JAKMIP3: variants seen among roughly 807,000 people sequenced by gnomAD.
JAKMIP3 encodes the protein Janus kinase and microtubule interacting protein 3, also known as janus kinase and microtubule-interacting protein 3.
JAKMIP3 carries 58 observed loss-of-function variants against 118.5 expected under a neutral mutation model. The observed-to-expected ratio is 0.49, with a 90% CI of 0.40 to 0.61. JAKMIP3 has a LOEUF of 0.61. Among genes scored for constraint, JAKMIP3 ranks in the 20% least tolerant of loss-of-function variants. The pLI is 0.00. For missense variants in JAKMIP3, 950 were observed against 1,109.0 expected (o/e 0.86, Z 2.04); for synonymous variants, 486 against 451.2 (o/e 1.08, Z -0.98).
intron 9 of JAKMIP3, among the ~76,000 whole-genome samples, chr10:132,139,207 TG>T (rs2052651756): frequency 6.8e-6 from 1 of 148,110 alleles, no homozygotes; most frequent in Non-Finnish European, 1.5e-5. Flanking sequence ...TGAGTGTGTG[TG>T]TGTATGTGTG....
chr10:132,180,746 C>CGTGT (rs1386218178), intron 23 of JAKMIP3, among the ~76,000 whole-genome samples: 3 of 10,750 alleles, frequency 2.8e-4, no homozygotes, highest in Admixed American at 1.9e-3. Context: ...TGCGTGCGTG[C>CGTGT]GCGCGCGTGT....
chr10:132,089,020 A>T (rs1251507418), intron 1 of JAKMIP3, among the ~76,000 whole-genome samples: 5 of 151,996 alleles, frequency 3.3e-5, no homozygotes, highest in Non-Finnish European at 5.9e-5. Context: ...ATGGTTGTAG[A>T]TGTGTGGTAT....
rs1183447745 is a variant in JAKMIP3 at position 132,140,378 on chromosome 10, G to T, written c.1345-73G>T. On this transcript the variant is annotated intron_variant, in intron 9 of 23. Coordinates refer to ENST00000684848, the MANE Select transcript of JAKMIP3 (RefSeq NM_001323087.2). ...GCTGCGGCCCCCACCGTTGGGCAGC[G>T]GGAGGAGGCGGCGGGAGGAGGCGGC... 8.8e-6 allele frequency: 14 copies of T among 1,595,244 alleles called. No individual in the cohort carries two copies. In the East Asian group the frequency reaches 2.7e-4, roughly 31 times the overall value.
intron 2 of JAKMIP3, among the ~76,000 whole-genome samples, chr10:132,107,331 C>T (rs544518199): frequency 6.6e-6 from 1 of 152,338 alleles, no homozygotes; most frequent in South Asian, 2.1e-4. Context: ...TGTGACGCCC[C>T]GAGGGACACA....
rs1164173025 is a variant in JAKMIP3 at position 132,139,325 on chromosome 10, T to A, written c.1345-1126T>A. On this transcript the variant is annotated intron_variant, in intron 9 of 23. Transcript: ENST00000684848. Reference sequence around the variant, plus strand: ...GTGTGTGAGTGTGTATGTGTATGTGTGTGTGTTTGTATGTGTGTACATGTG... The same window carrying A: ...GTGTGTGAGTGTGTATGTGTATGTGAGTGTGTTTGTATGTGTGTACATGTG... 1.4e-4 allele frequency among the ~76,000 whole-genome samples: 21 copies of A among 151,152 alleles called. 2 individuals carry two copies. Among genetic ancestry groups the A allele is most frequent in the African/African-American group, 3.7e-4 (15 of 41,048 alleles).
chr10:132,097,399 G>T lies in JAKMIP3; in HGVS notation c.-137-7273G>T, dbSNP rs117674708. On this transcript the variant is annotated intron_variant, in intron 1 of 23. Transcript: ENST00000684848. ...CCAGCAGTGAGAAGGTTGAGCTGTG[G>T]GTGCCCATGGTAACCTGCGTGGCCC... is the stretch of plus-strand genomic sequence containing the variant. Among the ~76,000 whole-genome samples, 736 of 152,196 alleles carry T rather than the reference G, an allele frequency of 4.8e-3. 4 individuals carry two copies. The highest frequency in any genetic ancestry group is 8.2e-3 in the Non-Finnish European group (559 of 67,992).
At chr10:132,087,141 A>C (rs2042499934) in intron 1 of JAKMIP3, among the ~76,000 whole-genome samples, 1 of 152,222 alleles carries the variant, frequency 6.6e-6, no homozygotes, top group Non-Finnish European at 1.5e-5. Context: ...TGGATACAAA[A>C]GAGTTGGCTT....
At chr10:132,083,197 CT>C (rs576363500) in intron 1 of JAKMIP3, among the ~76,000 whole-genome samples, 3 of 151,922 alleles carry the variant, frequency 2.0e-5, no homozygotes, top group African/African-American at 7.3e-5. Context: ...AACATCTATT[CT>C]TTTTTTTGAT....
intron 3 of JAKMIP3, among the ~76,000 whole-genome samples, chr10:132,126,621 G>GT (rs139306947): frequency 0.064 from 9,661 of 151,810 alleles, 707 homozygotes; most frequent in African/African-American, 0.17. Flanking sequence ...GAGCCACTGT[G>GT]TCCAGCCAGC....
In JAKMIP3 at chr10:132,044,151, G is replaced by A. The variant is rs915792062; in HGVS notation, c.-138+7413G>A. Among the ~76,000 whole-genome samples, 1 of 152,226 alleles carries A rather than the reference G, an allele frequency of 6.6e-6. No individual in the cohort carries two copies. Among genetic ancestry groups the A allele is most frequent in the Non-Finnish European group, 1.5e-5 (1 of 68,024 alleles). On this transcript the variant is annotated intron_variant, in intron 1 of 23. Transcript: ENST00000657785. The surrounding 1 kb of genome is among the most constrained non-coding windows in gnomAD (Gnocchi z 5.3). Reference sequence around the variant, plus strand: ...CTGGGACCAGCCCGATGCCTGGTGGGGGGGCTTCTCTGGGCCCTCAGCTGC... The same window carrying A: ...CTGGGACCAGCCCGATGCCTGGTGGAGGGGCTTCTCTGGGCCCTCAGCTGC...
intron 1 of JAKMIP3, among the ~76,000 whole-genome samples, chr10:132,095,063 TCTCA>T (rs1383886692): frequency 6.6e-6 from 1 of 152,134 alleles, no homozygotes; most frequent in Non-Finnish European, 1.5e-5. Flanking sequence ...GAAGGGCTGG[TCTCA>T]CTCCCACTGT....
At chr10:132,154,122 C>A in intron 19 of JAKMIP3, 132 bp downstream of exon 19, 2 of 706,836 alleles carry the variant, frequency 2.8e-6, no homozygotes, top group Non-Finnish European at 4.9e-6. Flanking sequence ...CCCCTAATGA[C>A]ACCTGCACAG....
In JAKMIP3 at chr10:132,181,782, C is replaced by T. The variant is rs1424076816; in HGVS notation, c.*1104-575C>T. ...TAGAAAACCGTGGTGTCTCTACGGC[C>T]GGGCCCTCTGCCTCTGTCCCAGCGT... On this transcript the variant is annotated intron_variant, in intron 23 of 23. Transcript: ENST00000684848. 5.3e-5 allele frequency among the ~76,000 whole-genome samples: 8 copies of T among 152,254 alleles called. No individual in the cohort carries two copies. In the East Asian group the frequency reaches 1.2e-3, roughly 22 times the overall value.
chr10:132,143,677 G>C (rs1229840429), intron 11 of JAKMIP3: 3 of 152,226 alleles, frequency 2.0e-5, no homozygotes, highest in Non-Finnish European at 4.4e-5. Flanking sequence ...CCCACAGTCT[G>C]ATTCTGTATT....
chr10:132,058,312 G>A (rs1472974412), intron 1 of JAKMIP3, among the ~76,000 whole-genome samples: 1 of 152,220 alleles, frequency 6.6e-6, no homozygotes, highest in East Asian at 1.9e-4. Flanking sequence ...GTGGTTCACA[G>A]GGCTCTGGAA....
At chr10:132,166,728 C>T (rs1029937914) in intron 21 of JAKMIP3, among the ~76,000 whole-genome samples, 1 of 152,164 alleles carries the variant, frequency 6.6e-6, no homozygotes, top group East Asian at 1.9e-4. Context: ...GTGTGGGGCC[C>T]CTGACCAGCG....
intron 1 of JAKMIP3, among the ~76,000 whole-genome samples, chr10:132,096,737 A>G (rs958984718): frequency 4.6e-5 from 7 of 152,136 alleles, no homozygotes; most frequent in Non-Finnish European, 1.0e-4. Context: ...AACCCTGGAC[A>G]TGAAATAAGA....
At chr10:132,133,576 T>C (rs2135712563) in intron 4 of JAKMIP3, 49 bp downstream of exon 4, 1 of 1,501,674 alleles carries the variant, frequency 6.7e-7, no homozygotes, top group Non-Finnish European at 9.0e-7. Flanking sequence ...CAGACAGACC[T>C]GGCCATGTGG....
intron 19 of JAKMIP3, among the ~76,000 whole-genome samples, chr10:132,155,735 G>C (rs2057012865): frequency 6.6e-6 from 1 of 152,214 alleles, no homozygotes. Context: ...GCTATGGTTA[G>C]TGTCACTATT....
Sources: gnomAD v4.1 joint callset for allele counts (sites outside exome capture counted in the v4.1 genomes callset) on GRCh38, gnomAD v4.1.1 for gene constraint, Gnocchi (gnomAD v3.1) non-coding constraint, MANE v1.5 for transcripts, NCBI Gene and HGNC (gene_info 2026-07-23, HGNC 2026-07-21) for gene names.